The following IDE variants were observed in gnomAD, a reference collection of about 807,000 sequenced individuals.
IDE encodes insulin degrading enzyme, also known as insulin-degrading enzyme.
In IDE, 58 loss-of-function variants were observed where a neutral mutation model predicts 133.2. The observed-to-expected ratio is 0.44, with a 90% CI of 0.35 to 0.54. IDE has a LOEUF of 0.54. Ranked by LOEUF, IDE falls within the 20% of genes least tolerant of loss-of-function variation. IDE has a pLI of 0.00. For missense variants in IDE, 981 were observed against 1,234.0 expected, an observed-to-expected ratio of 0.79 and a Z score of 3.07; for synonymous variants, 396 against 421.3, an observed-to-expected ratio of 0.94 and a Z score of 0.73.
At chr10:92,484,344 G>A (rs1054321026) in intron 13 of IDE, among the ~76,000 whole-genome samples, 1 of 152,166 alleles carries the variant, frequency 6.6e-6, no homozygotes, top group South Asian at 2.1e-4. Context: ...CAGGACTCGG[G>A]AGGCAGAGGT....
intron 19 of IDE, among the ~76,000 whole-genome samples, 169 bp downstream of exon 19, chr10:92,468,710 C>T (rs918131203): frequency 1.1e-4 from 17 of 152,178 alleles, no homozygotes; most frequent in African/African-American, 4.1e-4. Context: ...GGCCCTCCTA[C>T]CAAAAATTTT....
At chr10:92,559,723 C>T (rs1482312047) in intron 1 of IDE, among the ~76,000 whole-genome samples, 1 of 148,650 alleles carries the variant, frequency 6.7e-6, no homozygotes, top group Admixed American at 7.0e-5. Flanking sequence ...TACACTAAAA[C>T]CCATGAATGG....
intron 3 of IDE, 59 bp from the exon 4 acceptor site, chr10:92,531,976 T>C (rs1849951008): frequency 3.2e-6 from 4 of 1,243,392 alleles, no homozygotes; most frequent in African/African-American, 1.5e-5. Flanking sequence ...AATAGCCTTT[T>C]AGAAAGATTT....
At chr10:92,518,324 TTCTC>T (rs1849038779) in intron 4 of IDE, among the ~76,000 whole-genome samples, 2 of 152,162 alleles carry the variant, frequency 1.3e-5, no homozygotes, top group African/African-American at 4.8e-5. Context: ...GTTACTTTAC[TTCTC>T]TGTGGCTCAA....
chr10:92,535,861 C>A (rs939682985), intron 2 of IDE, among the ~76,000 whole-genome samples: 3 of 151,934 alleles, frequency 2.0e-5, no homozygotes, highest in Non-Finnish European at 2.9e-5. Flanking sequence ...CATGGCAAAA[C>A]CTCGTCTCTA....
intron 11 of IDE, among the ~76,000 whole-genome samples, chr10:92,503,616 T>C (rs1040319971): frequency 6.6e-6 from 1 of 152,116 alleles, no homozygotes; most frequent in African/African-American, 2.4e-5. Flanking sequence ...GTGCAAGTCA[T>C]ATATATGCAA....
intron 5 of IDE, among the ~76,000 whole-genome samples, chr10:92,511,946 T>C (rs1287177929): frequency 6.6e-6 from 1 of 152,192 alleles, no homozygotes; most frequent in Admixed American, 6.6e-5. Flanking sequence ...TCTTTCCTCT[T>C]GCGTATTTCT....
chr10:92,460,986 G>A (rs1046992134), intron 22 of IDE, among the ~76,000 whole-genome samples: 2 of 151,972 alleles, frequency 1.3e-5, no homozygotes, highest in African/African-American at 2.4e-5. Context: ...GATTACAGGC[G>A]TATGCCACTA....
chr10:92,555,405 C>T (rs1842959470), intron 1 of IDE, among the ~76,000 whole-genome samples: 1 of 149,856 alleles, frequency 6.7e-6, no homozygotes, highest in Non-Finnish European at 1.5e-5. Flanking sequence ...ACTGAGGCAG[C>T]AGAATCACTT....
Position 92,463,964 on chromosome 10 carries a change from A to G in IDE, c.2528T>C (p.Ile843Thr). 1 of 1,614,164 alleles carries G rather than the reference A, an allele frequency of 6.2e-7. No individual in the cohort carries two copies. Among genetic ancestry groups the G allele is most frequent in the Non-Finnish European group, 8.5e-7 (1 of 1,180,004 alleles). The change falls in exon 21 of 25, where the codon ATA becomes ACA. Residue 843 changes from isoleucine to threonine, a missense_variant. Transcript: ENST00000265986. The stretch of plus-strand genomic sequence containing the variant: ...CTGGATGATGAATCTCAAGCCCTGT[A>G]TGCCATTAGCTCGACGTGGCCCGCT... ...VFSGPRRANG[I>T]QGLRFIIQSE... is the part of the protein sequence containing the mutation.
chr10:92,564,570 G>C (rs771258549), intron 1 of IDE, among the ~76,000 whole-genome samples: 1 of 148,894 alleles, frequency 6.7e-6, no homozygotes, highest in Non-Finnish European at 1.5e-5. Context: ...AGCTACTCAG[G>C]AGGCTGAGGC....
At chr10:92,455,530 G>C (rs1844950971) in intron 24 of IDE, 46 bp downstream of exon 24, 1 of 1,153,472 alleles carries the variant, frequency 8.7e-7, no homozygotes, top group Admixed American at 2.1e-5. Flanking sequence ...CTTCTAAATA[G>C]AAAGTCCTCT....
At chr10:92,462,141 C>A (rs1845426633) in intron 21 of IDE, among the ~76,000 whole-genome samples, 1 of 151,890 alleles carries the variant, frequency 6.6e-6, no homozygotes, top group South Asian at 2.1e-4. Context: ...CATGGTGAAA[C>A]CCCATCTCTA....
chr10:92,467,115 C>T (rs1845735012), intron 19 of IDE, among the ~76,000 whole-genome samples: 1 of 152,056 alleles, frequency 6.6e-6, no homozygotes, highest in Admixed American at 6.6e-5. Context: ...CACTCTGGCA[C>T]CCAGACTGGA....
chr10:92,471,484 G>A (rs1454299121), intron 17 of IDE, among the ~76,000 whole-genome samples: 1 of 152,186 alleles, frequency 6.6e-6, no homozygotes, highest in African/African-American at 2.4e-5. Context: ...CTAGTAAATT[G>A]CAGAGCTGGG....
At chr10:92,549,801 A>G (rs1354297887) in intron 1 of IDE, among the ~76,000 whole-genome samples, 4 of 152,160 alleles carry the variant, frequency 2.6e-5, no homozygotes, top group African/African-American at 7.2e-5. Flanking sequence ...AAAGCTCAGA[A>G]AAGTTATTTG....
At chr10:92,518,226 G>A (rs1438405353) in intron 4 of IDE, among the ~76,000 whole-genome samples, 1 of 152,044 alleles carries the variant, frequency 6.6e-6, no homozygotes, top group Non-Finnish European at 1.5e-5. Context: ...GCTTTACACT[G>A]CCATCTCGGC....
rs56313816 is a variant in IDE, at chr10:92,564,103, A to G, written c.98+9819T>C. On this transcript the variant is annotated intron_variant, in intron 1 of 24. Coordinates refer to ENST00000265986, the MANE Select transcript of IDE (RefSeq NM_004969.4). ...GTTTGGAAATCACCAGAAGATCTAC[A>G]AAAAGTTATCTCCCATGTAGTCTTT... Among the ~76,000 whole-genome samples, 125 of 152,312 alleles carry G rather than the reference A, an allele frequency of 8.2e-4. 1 individual carries two copies. Among genetic ancestry groups the G allele is most frequent in the Middle Eastern group, 3.4e-3 (1 of 294 alleles).
At position 92,454,472 on chromosome 10, in the gene IDE, T is replaced by C. The variant is rs768097654; in HGVS notation, c.3032A>G (p.His1011Arg). 2.5e-6 allele frequency: 4 copies of C among 1,613,034 alleles called. No homozygotes were observed. The South Asian group carries it at 3.3e-5, about 13-fold the overall frequency. ...GLPLFPLVKP[H>R]INFMAAKL ...GAGTTTTGCAGCCATGAAGTTAATATGTGGTTTCACAAGGGGAAACAGTGG... is the reference window on the plus strand; with the variant it reads ...GAGTTTTGCAGCCATGAAGTTAATACGTGGTTTCACAAGGGGAAACAGTGG... Residue 1011 changes from histidine to arginine, a missense_variant, in exon 25 of 25, where the codon CAT becomes CGT. His to Arg is a conservative substitution (Grantham distance 29). Around this residue, in one of 2 missense-constraint regions of IDE, gnomAD observed 660 missense variants for 894.7 expected, o/e 0.74. Coordinates refer to ENST00000265986, the MANE Select transcript of IDE (RefSeq NM_004969.4).
Sources: gnomAD v4.1 joint callset for allele counts (sites outside exome capture counted in the v4.1 genomes callset) on GRCh38, gnomAD v4.1.1 for gene constraint, gnomAD v4.1.1 regional missense constraint, MANE v1.5 for transcripts, NCBI Gene and HGNC (gene_info 2026-07-23, HGNC 2026-07-21) for gene names.